PACRG: variants seen among roughly 807,000 people sequenced by gnomAD.
The protein encoded by PACRG is parkin coregulated gene protein.
In PACRG, 29 loss-of-function variants were observed where a neutral mutation model predicts 29.7. That is an observed-to-expected ratio of 0.98 (90% confidence interval 0.73 to 1.33). The LOEUF (loss-of-function observed/expected upper bound fraction) is 1.33, where lower values mean the gene tolerates loss of function less well. Among genes scored for constraint, PACRG ranks in the 40% most tolerant of loss-of-function variants. The probability of loss-of-function intolerance (pLI) is 0.00; values close to 1 mark genes in which losing one functional copy is unlikely to be tolerated. For synonymous variants in PACRG, 116 were observed against 118.7 expected (o/e 0.98, Z 0.15); for missense variants, 279 against 316.2 (o/e 0.88, Z 0.89).
At chr6:163,050,141 C>A (rs562727256) in intron 2 of PACRG, among the ~76,000 whole-genome samples, 1 of 152,038 alleles carries the variant, frequency 6.6e-6, no homozygotes, top group Non-Finnish European at 1.5e-5. Flanking sequence ...GTAAGTTTTT[C>A]TCTCCATATT....
At chr6:163,151,951 A>T (rs1266824186) in intron 4 of PACRG, among the ~76,000 whole-genome samples, 1 of 152,174 alleles carries the variant, frequency 6.6e-6, no homozygotes, top group African/African-American at 2.4e-5. Context: ...TGTCTTCTTA[A>T]ATCCACTGTT....
intron 2 of PACRG, among the ~76,000 whole-genome samples, chr6:162,832,341 C>G (rs1788852970): frequency 6.6e-6 from 1 of 151,996 alleles, no homozygotes; most frequent in Admixed American, 6.6e-5. Context: ...ATGTCTTTTG[C>G]CCACTTCTTA....
chr6:163,277,818 A>G (rs1264857051), intron 4 of PACRG, among the ~76,000 whole-genome samples: 1 of 151,708 alleles, frequency 6.6e-6, no homozygotes, highest in Non-Finnish European at 1.5e-5. Context: ...TATCTTTTTC[A>G]TGTCATGACT....
intron 4 of PACRG, among the ~76,000 whole-genome samples, chr6:163,259,268 T>C (rs1467971095): frequency 6.6e-6 from 1 of 152,234 alleles, no homozygotes; most frequent in Non-Finnish European, 1.5e-5. Flanking sequence ...TGATGTTCTA[T>C]GCTAAGACTG....
chr6:162,849,387 T>C (rs1790676483), intron 2 of PACRG, among the ~76,000 whole-genome samples: 1 of 152,206 alleles, frequency 6.6e-6, no homozygotes, highest in African/African-American at 2.4e-5. Flanking sequence ...GCTCCCTGTT[T>C]GCTCCACTGA....
chr6:162,790,592 A>G (rs1467543784), intron 1 of PACRG, among the ~76,000 whole-genome samples: 1 of 152,164 alleles, frequency 6.6e-6, no homozygotes, highest in African/African-American at 2.4e-5. Flanking sequence ...CAATATTTCT[A>G]GGTCATTAAT....
intron 2 of PACRG, among the ~76,000 whole-genome samples, chr6:162,984,665 C>T (rs890852698): frequency 1.3e-5 from 2 of 151,868 alleles, no homozygotes; most frequent in African/African-American, 4.8e-5. Flanking sequence ...TTCACCACAT[C>T]CATGCCAACA....
chr6:163,054,829 G>C (rs1585104971), intron 2 of PACRG, among the ~76,000 whole-genome samples: 1 of 152,132 alleles, frequency 6.6e-6, no homozygotes, highest in Non-Finnish European at 1.5e-5. Flanking sequence ...GTGTGAACCT[G>C]TGTGGCTCCT....
At chr6:163,285,210 C>T (rs1239319284) in intron 4 of PACRG, among the ~76,000 whole-genome samples, 1 of 151,996 alleles carries the variant, frequency 6.6e-6, no homozygotes, top group Non-Finnish European at 1.5e-5. Context: ...CTCCACCGGA[C>T]TCATCTCTGC....
At chr6:163,232,830 C>A (rs575252166) in intron 4 of PACRG, among the ~76,000 whole-genome samples, 1 of 152,316 alleles carries the variant, frequency 6.6e-6, no homozygotes, top group Middle Eastern at 3.4e-3. Context: ...CCCCAGCTCA[C>A]GCTCCCAGGA....
intron 3 of PACRG, among the ~76,000 whole-genome samples, chr6:163,069,267 A>G: frequency 6.7e-6 from 1 of 148,554 alleles, no homozygotes; most frequent in South Asian, 2.1e-4. Context: ...AAGACCATCC[A>G]GGAAAACATG....
At chr6:162,729,303 A>AGATCTTCATTC (rs1779556746) in intron 1 of PACRG, among the ~76,000 whole-genome samples, 3 of 152,298 alleles carry the variant, frequency 2.0e-5, no homozygotes, top group Admixed American at 6.5e-5. Context: ...GAGTTATTAC[A>AGATCTTCATTC]TGGCAATTCA....
At chr6:163,289,326 C>T (rs73025058) in intron 4 of PACRG, among the ~76,000 whole-genome samples, 8,533 of 152,254 alleles carry the variant, frequency 0.056, 259 homozygotes, top group Middle Eastern at 0.088. Flanking sequence ...AGATGGCTTT[C>T]ACGATGCGGT....
At chr6:162,947,626 A>AT (rs1799318306) in intron 2 of PACRG, among the ~76,000 whole-genome samples, 1 of 57,164 alleles carries the variant, frequency 1.7e-5, no homozygotes, top group Non-Finnish European at 3.3e-5. Flanking sequence ...ATATATATAT[A>AT]TATATATATA....
At chr6:163,028,926 G>A (rs1263798901) in intron 2 of PACRG, among the ~76,000 whole-genome samples, 2 of 152,210 alleles carry the variant, frequency 1.3e-5, no homozygotes, top group East Asian at 3.8e-4. Context: ...TGGAGCCTGT[G>A]AACATGCCGT....
At chr6:163,057,348 T>G (rs1810683933) in intron 2 of PACRG, among the ~76,000 whole-genome samples, 1 of 152,184 alleles carries the variant, frequency 6.6e-6, no homozygotes, top group South Asian at 2.1e-4. Context: ...CAAAATAAAT[T>G]TTGGTCTCAT....
chr6:163,152,866 C>T (rs1432615497), intron 4 of PACRG, among the ~76,000 whole-genome samples: 1 of 152,188 alleles, frequency 6.6e-6, no homozygotes, highest in African/African-American at 2.4e-5. Context: ...TTTTCTCTAA[C>T]TGTGGGTCTC....
At chr6:163,123,061 C>T (rs1022179107) in intron 4 of PACRG, among the ~76,000 whole-genome samples, 2 of 152,170 alleles carry the variant, frequency 1.3e-5, no homozygotes, top group Non-Finnish European at 2.9e-5. Flanking sequence ...GAAAACAGCT[C>T]CCCGGTACAG....
intron 2 of PACRG, among the ~76,000 whole-genome samples, chr6:163,038,842 G>A (rs930889539): frequency 6.6e-5 from 10 of 152,144 alleles, no homozygotes; most frequent in Non-Finnish European, 1.2e-4. Context: ...ATATCCTATG[G>A]GAATAGGAAA....
Sources: allele counts gnomAD v4.1 joint callset (sites outside exome capture counted in the v4.1 genomes callset), GRCh38; gene constraint gnomAD v4.1.1; transcripts MANE v1.5; gene names NCBI Gene and HGNC (gene_info 2026-07-23, HGNC 2026-07-21).